The following MGRN1 variants were observed in gnomAD, a reference collection of about 807,000 sequenced individuals.
MGRN1 encodes E3 ubiquitin-protein ligase MGRN1.
In MGRN1, 29 loss-of-function variants were observed where a neutral mutation model predicts 69.2. The ratio of observed to expected loss-of-function variants is 0.42; its 90% CI spans 0.31 to 0.57. The LOEUF is 0.57. MGRN1 is among the 20% of genes least tolerant of loss of function. The probability of loss-of-function intolerance (pLI) is 0.15; values close to 1 mark genes in which losing one functional copy is unlikely to be tolerated. For synonymous variants in MGRN1, 470 were observed against 344.2 expected (o/e 1.37, Z -4.04); for missense variants, 998 against 796.2 (o/e 1.25, Z -3.05).
At chr16:4,629,995 A>G (rs1567165482) in intron 1 of MGRN1, among the ~76,000 whole-genome samples, 2 of 148,900 alleles carry the variant, frequency 1.3e-5, no homozygotes, top group Admixed American at 6.8e-5. Context: ...GGTTGCAGTG[A>G]GCCAAGATCA....
intron 1 of MGRN1, among the ~76,000 whole-genome samples, chr16:4,641,312 A>G (rs2078151445): frequency 6.6e-6 from 1 of 151,744 alleles, no homozygotes; most frequent in Non-Finnish European, 1.5e-5. Flanking sequence ...TTTCTTCTCC[A>G]TGTGTGGATA....
chr16:4,673,179 G>C (rs1371151913), intron 9 of MGRN1, among the ~76,000 whole-genome samples: 6 of 152,138 alleles, frequency 3.9e-5, no homozygotes, highest in African/African-American at 1.4e-4. Context: ...CGGGTACCCT[G>C]ACCCTCAGGA....
In MGRN1 at chr16:4,689,112, C is replaced by T. The variant is rs1283666081; in HGVS notation, c.*204C>T. 1.5e-6 allele frequency: 1 copy of T among 668,040 alleles called. No homozygotes were observed. The highest frequency in any genetic ancestry group is 3.3e-5 in the Admixed American group (1 of 30,450). 41.4% of individuals were successfully genotyped at this position (668,040 alleles called of 1,614,324 possible). On this transcript the variant is annotated 3_prime_UTR_variant, in exon 17 of 17. Transcript: ENST00000262370. ...TTTTCTACAGTTGATATATTTGTAA[C>T]TGGTACAAGATGAAGGACAGCAGCT...
chr16:4,634,101 TG>T (rs1898155159), intron 1 of MGRN1, among the ~76,000 whole-genome samples: 1 of 152,206 alleles, frequency 6.6e-6, no homozygotes, highest in Non-Finnish European at 1.5e-5. Flanking sequence ...TTCAGAGTCC[TG>T]GGCTGATGGT....
At chr16:4,652,959 A>T in intron 4 of MGRN1, 135 bp downstream of exon 4, 2 of 1,194,160 alleles carry the variant, frequency 1.7e-6, no homozygotes, top group South Asian at 1.8e-5. Flanking sequence ...CTTTACCACG[A>T]TGTGAGGGGT....
At chr16:4,650,762 A>G (rs1006633548) in intron 2 of MGRN1, 7 of 316,094 alleles carry the variant, frequency 2.2e-5, no homozygotes, top group African/African-American at 6.4e-5. Context: ...GCTGCGGAAC[A>G]TGGTGGATTT....
chr16:4,644,340 T>C (rs1482366037), intron 1 of MGRN1, among the ~76,000 whole-genome samples: 2 of 133,022 alleles, frequency 1.5e-5, no homozygotes, highest in African/African-American at 5.9e-5. Context: ...GGAGTTTCAC[T>C]CTTGTTGTCC....
intron 5 of MGRN1, chr16:4,664,183 G>A (rs538151928): frequency 2.8e-4 from 48 of 170,732 alleles, no homozygotes; most frequent in African/African-American, 1.1e-3. Context: ...CACAGTGCCT[G>A]TTATTTGGCC....
chr16:4,688,726 A>G (rs917844412), intron 16 of MGRN1, 70 bp from the exon 17 acceptor site: 4 of 1,486,372 alleles, frequency 2.7e-6, no homozygotes, highest in South Asian at 1.3e-5. Flanking sequence ...GGGGCTCCAG[A>G]TCGGTAGGAG....
chr16:4,681,654 A>G lies in MGRN1; in HGVS notation c.1236A>G (p.Glu412=), dbSNP rs1411274243. 11 of 1,613,398 alleles carry G rather than the reference A, an allele frequency of 6.8e-6. No homozygotes were observed. Among genetic ancestry groups the G allele is most frequent in the Non-Finnish European group, 9.3e-6 (11 of 1,180,034 alleles). ...CCATCCCCTCGGCCCCTCTTTATGA[A>G]GAAATCACCTATTCAGGCATCTCGG... ...SPAIPSAPLY[E]EITYSGISDG... The change falls in exon 13 of 17, where the codon GAA becomes GAG. Residue 412 remains glutamate, a synonymous_variant. Transcript: ENST00000262370.
intron 8 of MGRN1, among the ~76,000 whole-genome samples, chr16:4,670,136 C>T (rs946513035): frequency 1.3e-5 from 2 of 152,196 alleles, no homozygotes; most frequent in African/African-American, 4.8e-5. Context: ...GCGATCTCAG[C>T]TCACTTCAAC....
At chr16:4,687,158 G>C (rs1194983179) in intron 16 of MGRN1, 20 of 985,226 alleles carry the variant, frequency 2.0e-5, no homozygotes, top group Non-Finnish European at 2.2e-5. Flanking sequence ...GAACCTTCTG[G>C]AACACCAGCA....
intron 1 of MGRN1, among the ~76,000 whole-genome samples, chr16:4,632,007 CTTTTTT>C (rs869090061): frequency 1.1e-4 from 7 of 64,836 alleles, no homozygotes; most frequent in African/African-American, 4.1e-4. Context: ...AAAAAATTTC[CTTTTTT>C]TTTTTTTTTT....
intron 5 of MGRN1, among the ~76,000 whole-genome samples, chr16:4,662,608 C>A (rs984769496): frequency 1.3e-5 from 2 of 152,174 alleles, no homozygotes; most frequent in Non-Finnish European, 2.9e-5. Flanking sequence ...GAGAGGACTT[C>A]ATTTGCGCTT....
At chr16:4,645,553 G>A (rs1455967550) in intron 1 of MGRN1, among the ~76,000 whole-genome samples, 1 of 152,176 alleles carries the variant, frequency 6.6e-6, no homozygotes. Flanking sequence ...AAAGTGCTGT[G>A]GAGAAGAATA....
chr16:4,685,598 C>T (rs146952593), intron 16 of MGRN1, among the ~76,000 whole-genome samples: 243 of 152,360 alleles, frequency 1.6e-3, no homozygotes, highest in African/African-American at 5.7e-3. Flanking sequence ...CAGTTCTGAG[C>T]CACGGAGAGC....
intron 16 of MGRN1, chr16:4,687,608 C>T (rs1280763653): frequency 2.0e-6 from 2 of 984,516 alleles, no homozygotes; most frequent in African/African-American, 1.8e-5. Flanking sequence ...CACACACACA[C>T]GGGGGAGAGA....
intron 12 of MGRN1, 132 bp from the exon 13 acceptor site, chr16:4,681,418 C>CT (rs1383638216): frequency 6.9e-5 from 58 of 842,346 alleles, no homozygotes; most frequent in Admixed American, 2.1e-4. Context: ...CCAGGGAGCT[C>CT]TTGGCCACCC....
chr16:4,669,745 C>A (rs983434827), intron 8 of MGRN1, among the ~76,000 whole-genome samples: 3 of 152,106 alleles, frequency 2.0e-5, no homozygotes, highest in African/African-American at 7.2e-5. Flanking sequence ...TTGACTTCAT[C>A]AATACTTGAA....
Sources: gnomAD v4.1 joint callset for allele counts (sites outside exome capture counted in the v4.1 genomes callset) on GRCh38, gnomAD v4.1.1 for gene constraint, MANE v1.5 for transcripts, NCBI Gene and HGNC (gene_info 2026-07-23, HGNC 2026-07-21) for gene names.